TNRC6A: variants seen among roughly 807,000 people sequenced by gnomAD.
TNRC6A encodes trinucleotide repeat-containing gene 6A protein.
Under a neutral mutation model 221.2 loss-of-function variants are expected in TNRC6A, and 44 were observed. The ratio of observed to expected loss-of-function variants is 0.20; its 90% CI spans 0.16 to 0.26. The LOEUF (loss-of-function observed/expected upper bound fraction) is 0.26. TNRC6A is among the 10% of genes least tolerant of loss of function. The pLI, the probability that TNRC6A is intolerant of heterozygous loss-of-function variation, is 1.00. For synonymous variants in TNRC6A, 847 were observed against 838.5 expected, an observed-to-expected ratio of 1.01 and a Z score of -0.18; for missense variants, 2,199 against 2,404.4, an observed-to-expected ratio of 0.91 and a Z score of 1.79.
At position 24,677,231 on chromosome 16, in the gene TNRC6A, C is replaced by T. The variant is rs564579813; in HGVS notation, n.402+36222C>T. On this transcript the variant is annotated intron_variant and non_coding_transcript_variant, in intron 2 of 2. Transcript: ENST00000566108. ...AGGCTGGAATGCAGTGGTGCAATCC[C>T]GGCTCACTGCAACCTCCACCTCCCG... Among the ~76,000 whole-genome samples the T allele has an allele frequency of 1.0e-3, 152 of 151,422 alleles. No individual in the cohort carries two copies. The Middle Eastern group carries it at 0.021, about 20-fold the overall frequency.
intron 2 of TNRC6A, among the ~76,000 whole-genome samples, chr16:24,740,797 A>G (rs2056875027): frequency 1.3e-5 from 2 of 152,170 alleles, no homozygotes; most frequent in African/African-American, 4.8e-5. Flanking sequence ...GTTAAATCAT[A>G]ACTCCCTATT....
intron 1 of TNRC6A, among the ~76,000 whole-genome samples, chr16:24,630,703 C>A (rs549855358): frequency 9.8e-5 from 15 of 152,290 alleles, no homozygotes; most frequent in African/African-American, 3.4e-4. Context: ...GGGAGCCCCA[C>A]ACTGGTCATC....
chr16:24,646,373 T>C (rs991777704), intron 2 of TNRC6A, among the ~76,000 whole-genome samples: 3 of 152,228 alleles, frequency 2.0e-5, no homozygotes, highest in Non-Finnish European at 4.4e-5. Flanking sequence ...CCCCATTCAT[T>C]GCCTTCTATT....
At chr16:24,630,315 A>G (rs1408893683) in intron 1 of TNRC6A, among the ~76,000 whole-genome samples, 2 of 152,050 alleles carry the variant, frequency 1.3e-5, no homozygotes, top group African/African-American at 4.8e-5. Flanking sequence ...CTCATCATCA[A>G]CATTTCCCTC....
At chr16:24,699,169 A>G (rs1405931640) in intron 2 of TNRC6A, among the ~76,000 whole-genome samples, 1 of 152,188 alleles carries the variant, frequency 6.6e-6, no homozygotes, top group Non-Finnish European at 1.5e-5. Context: ...CATTCCATCA[A>G]ATCATATCTG....
At position 24,806,642 on chromosome 16, in the gene TNRC6A, G is replaced by A. The variant is rs747276390; in HGVS notation, c.4398G>A (p.Val1466=). 1 of 1,614,220 alleles carries A rather than the reference G, an allele frequency of 6.2e-7. No homozygotes were observed. Among genetic ancestry groups the A allele is most frequent in the South Asian group, 1.1e-5 (1 of 91,078 alleles). Reference sequence around the variant, plus strand: ...GTCAACTTGATCCAAACCTGTTGGTGAAGCAGCAGACTCCACCATCTCAGC... The same window carrying A: ...GTCAACTTGATCCAAACCTGTTGGTAAAGCAGCAGACTCCACCATCTCAGC... ...QSRQLDPNLL[V]KQQTPPSQQQ... The change falls in exon 17 of 25, where the codon GTG becomes GTA. Residue 1466 remains valine (V), a synonymous_variant. Coordinates refer to ENST00000395799, the MANE Select transcript of TNRC6A (RefSeq NM_014494.4).
intron 2 of TNRC6A, among the ~76,000 whole-genome samples, chr16:24,649,557 C>T (rs1433231315): frequency 6.6e-6 from 1 of 152,114 alleles, no homozygotes; most frequent in Admixed American, 6.6e-5. Flanking sequence ...AATCCTCCCA[C>T]CTCTGCCTCT....
chr16:24,780,354 T>C lies in TNRC6A; in HGVS notation c.589+2996T>C, dbSNP rs1196227575. 3.3e-5 allele frequency among the ~76,000 whole-genome samples: 5 copies of C among 152,180 alleles called. No individual in the cohort carries two copies. In the East Asian group the frequency reaches 9.6e-4, roughly 29 times the overall value. ...AAACATTATGGCACTTCAACTTTAA[T>C]CCTTCCACAGGTAATTATCCTAAGA... On this transcript the variant is annotated intron_variant, in intron 5 of 24. Transcript: ENST00000395799.
intron 22 of TNRC6A, among the ~76,000 whole-genome samples, chr16:24,820,744 G>A (rs1383174583): frequency 6.6e-6 from 1 of 152,244 alleles, no homozygotes; most frequent in Non-Finnish European, 1.5e-5. Flanking sequence ...GGACATTTGA[G>A]AGTGAAAGAG....
At chr16:24,675,116 A>C (rs932905278) in intron 2 of TNRC6A, among the ~76,000 whole-genome samples, 1 of 152,208 alleles carries the variant, frequency 6.6e-6, no homozygotes, top group African/African-American at 2.4e-5. Flanking sequence ...GCTGCACTCC[A>C]GCCTGAGTGA....
rs35308503 is a variant in TNRC6A at position 24,649,816 on chromosome 16, C to CTTT, written n.402+8832_402+8834dup. On this transcript the variant is annotated intron_variant and non_coding_transcript_variant, in intron 2 of 2. Transcript: ENST00000566108. ...CCCCCAGCTTCCAGTCTCTCTCTCTCTTTTTTTTTTTTTTTTTTTTTTTTT... is the reference window on the plus strand; with the variant it reads ...CCCCCAGCTTCCAGTCTCTCTCTCTCTTTTTTTTTTTTTTTTTTTTTTTTTTTT... Among the ~76,000 whole-genome samples the CTTT allele has an allele frequency of 9.4e-4, 74 of 78,924 alleles. 4 individuals are homozygous for CTTT. Among genetic ancestry groups the CTTT allele is most frequent in the Non-Finnish European group, 1.1e-3 (46 of 43,074 alleles). The allele number at this position is 78,924 out of a possible 152,430, so 51.8% of individuals were successfully genotyped here.
At chr16:24,802,516 T>C (rs111623527) in intron 11 of TNRC6A, among the ~76,000 whole-genome samples, 11 of 152,218 alleles carry the variant, frequency 7.2e-5, no homozygotes, top group African/African-American at 2.4e-4. Context: ...GCCACTACGC[T>C]CCAGCCTGGG....
chr16:24,704,501 C>T (rs1311598924), intron 2 of TNRC6A, among the ~76,000 whole-genome samples: 1 of 151,242 alleles, frequency 6.6e-6, no homozygotes, highest in Non-Finnish European at 1.5e-5. Flanking sequence ...CCCATCTCTA[C>T]TAAAAATACA....
chr16:24,737,762 A>G (rs2056802637), intron 2 of TNRC6A, among the ~76,000 whole-genome samples: 1 of 152,208 alleles, frequency 6.6e-6, no homozygotes, highest in African/African-American at 2.4e-5. Context: ...CTGCAATAAT[A>G]TTGAATATTT....
At position 24,793,664 on chromosome 16, in the gene TNRC6A, A is replaced by G. The variant is rs373867034; in HGVS notation, c.3352+15A>G. 7.1e-7 allele frequency: 1 copy of G among 1,415,420 alleles called. No homozygotes were observed. 87.7% of individuals were successfully genotyped at this position (1,415,420 alleles called of 1,614,324 possible). On this transcript the variant is annotated intron_variant, in intron 7 of 24. Transcript: ENST00000395799. ...AAGCAAATCTGGTAAGTTATTGACA[A>G]TGCCTGGTAGCTGTTATGTAGCAGT...
upstream of TNRC6A, among the ~76,000 whole-genome samples, chr16:24,726,800 G>A (rs1362012983): frequency 8.5e-5 from 13 of 152,110 alleles, no homozygotes; most frequent in Non-Finnish European, 1.8e-4. Flanking sequence ...TGATTACTTA[G>A]TAAAAAGAAA....
intron 2 of TNRC6A, among the ~76,000 whole-genome samples, chr16:24,700,700 G>A (rs533932039): frequency 1.3e-5 from 2 of 152,110 alleles, no homozygotes. Context: ...GCTGACCGCT[G>A]TGCCTGTCTG....
intron 4 of TNRC6A, chr16:24,776,637 G>A (rs2057723698): frequency 2.0e-6 from 2 of 985,320 alleles, no homozygotes; most frequent in Non-Finnish European, 2.4e-6. Flanking sequence ...ATGATCCGAT[G>A]ATGATGTCTT....
intron 2 of TNRC6A, among the ~76,000 whole-genome samples, chr16:24,674,175 A>T (rs1205937048): frequency 6.6e-6 from 1 of 151,952 alleles, no homozygotes; most frequent in Non-Finnish European, 1.5e-5. Context: ...AGCTCAAGTG[A>T]TCCTCCACCT....
Sources: allele counts gnomAD v4.1 joint callset (sites outside exome capture counted in the v4.1 genomes callset), GRCh38; gene constraint gnomAD v4.1.1; transcripts MANE v1.5; gene names NCBI Gene and HGNC (gene_info 2026-07-23, HGNC 2026-07-21).